STK3: variants seen among roughly 807,000 people sequenced by gnomAD.
The protein encoded by STK3 is serine/threonine-protein kinase 3.
In STK3, 41 loss-of-function variants were observed where a neutral mutation model predicts 58.0. The ratio of observed to expected loss-of-function variants is 0.71; its 90% confidence interval spans 0.55 to 0.92. The LOEUF (loss-of-function observed/expected upper bound fraction) is 0.92. Among genes scored for constraint, STK3 ranks in the 40% least tolerant of loss-of-function variants. STK3 has a pLI of 0.00. For missense variants in STK3, 479 were observed against 602.7 expected (o/e 0.79, Z 2.15); for synonymous variants, 170 against 191.0 (o/e 0.89, Z 0.91).
At chr8:98,362,799 G>A in the STK3 span, among the ~76,000 whole-genome samples, 43 of 152,268 alleles carry the variant, frequency 2.8e-4, no homozygotes, top group South Asian at 6.8e-3. Flanking sequence ...AGAAGAGGCC[G>A]CTCCCTTCAC....
intron 6 of STK3, among the ~76,000 whole-genome samples, chr8:98,690,363 G>A (rs989627007): frequency 6.7e-6 from 1 of 149,918 alleles, no homozygotes; most frequent in Non-Finnish European, 1.5e-5. Context: ...TAAAGTCAAT[G>A]TACAAAAATC....
intron 1 of STK3, chr8:98,778,917 T>C (rs1243596403): frequency 6.6e-6 from 1 of 151,944 alleles, no homozygotes; most frequent in African/African-American, 2.4e-5. Flanking sequence ...CATTAGGAGA[T>C]ATACCTAATG....
At chr8:98,485,624 G>C (rs546098087) in intron 10 of STK3, among the ~76,000 whole-genome samples, 2 of 152,298 alleles carry the variant, frequency 1.3e-5, no homozygotes, top group South Asian at 4.1e-4. Flanking sequence ...CAGGAATGAA[G>C]GGTGCTTGAA....
chr8:98,459,468 G>A (rs1007298522), intron 10 of STK3, among the ~76,000 whole-genome samples: 1 of 152,212 alleles, frequency 6.6e-6, no homozygotes, highest in Non-Finnish European at 1.5e-5. Flanking sequence ...TGATGTGATG[G>A]AAAAGAAAAA....
intron 6 of STK3, among the ~76,000 whole-genome samples, chr8:98,671,539 C>T (rs1396443544): frequency 6.6e-6 from 1 of 151,854 alleles, no homozygotes; most frequent in Non-Finnish European, 1.5e-5. Flanking sequence ...GACAAATATG[C>T]TGAGGTTTTT....
At chr8:98,499,730 G>C (rs1823423632) in intron 10 of STK3, among the ~76,000 whole-genome samples, 1 of 152,166 alleles carries the variant, frequency 6.6e-6, no homozygotes, top group Admixed American at 6.5e-5. Flanking sequence ...TGTAGGAAAG[G>C]AGATTTGTCA....
intron 4 of STK3, among the ~76,000 whole-genome samples, chr8:98,742,700 A>T (rs1184569802): frequency 2.6e-5 from 4 of 151,490 alleles, no homozygotes; most frequent in Non-Finnish European, 4.4e-5. Flanking sequence ...CACCACTCCT[A>T]TTCAACACAG....
chr8:98,371,782 T>TA, intron 2 of STK3: 1 of 152,346 alleles, frequency 6.6e-6, no homozygotes. Context: ...TTGAGGGCTC[T>TA]AGGGCCACAT....
At chr8:98,541,416 G>C (rs776295422) in intron 9 of STK3, among the ~76,000 whole-genome samples, 4 of 151,938 alleles carry the variant, frequency 2.6e-5, no homozygotes, top group African/African-American at 9.7e-5. Flanking sequence ...CAGCTTCCCC[G>C]TCCCCTTCCA....
At chr8:98,901,901 G>A (rs959677924) in intron 1 of STK3, among the ~76,000 whole-genome samples, 1 of 152,172 alleles carries the variant, frequency 6.6e-6, no homozygotes, top group African/African-American at 2.4e-5. Context: ...AAGACAAAGG[G>A]TCAATCCTAA....
At chr8:98,533,514 C>T (rs1281781238) in intron 9 of STK3, among the ~76,000 whole-genome samples, 1 of 152,018 alleles carries the variant, frequency 6.6e-6, no homozygotes, top group East Asian at 1.9e-4. Flanking sequence ...CTGACAGGGT[C>T]TCTCCTTCTG....
chr8:98,795,094 AAAAAAAAAAATATATAT>A (rs1433840793), intron 1 of STK3, among the ~76,000 whole-genome samples: 2 of 65,570 alleles, frequency 3.1e-5, no homozygotes, highest in South Asian at 7.1e-4. Context: ...AAAAAAAAAA[AAAAAAAAAAATATATAT>A]ATATATATAT....
At chr8:98,427,755 T>G in intron 3 of STK3, 3 of 496,356 alleles carry the variant, frequency 6.0e-6, no homozygotes, top group African/African-American at 2.0e-5. Context: ...GCTGTGCTAA[T>G]AGAAACATAC....
intron 4 of STK3, among the ~76,000 whole-genome samples, chr8:98,744,573 G>C (rs1829498667): frequency 8.2e-6 from 1 of 121,446 alleles, no homozygotes; most frequent in African/African-American, 3.2e-5. Context: ...CGCACTCTGG[G>C]GACTGTTGTG....
At chr8:98,472,745 C>T (rs1732405961) in intron 10 of STK3, among the ~76,000 whole-genome samples, 1 of 152,082 alleles carries the variant, frequency 6.6e-6, no homozygotes, top group South Asian at 2.1e-4. Flanking sequence ...AAAAAGATTT[C>T]TCACAATAAA....
chr8:98,688,643 G>A (rs1464348578), intron 6 of STK3, among the ~76,000 whole-genome samples: 1 of 151,914 alleles, frequency 6.6e-6, no homozygotes, highest in East Asian at 1.9e-4. Flanking sequence ...ATAAATACAT[G>A]AAAACTAAAC....
At chr8:98,886,933 A>G (rs1211026332) in intron 1 of STK3, among the ~76,000 whole-genome samples, 2 of 152,076 alleles carry the variant, frequency 1.3e-5, no homozygotes, top group Non-Finnish European at 2.9e-5. Flanking sequence ...CCCCATCTCT[A>G]CTAAAAATAC....
At chr8:98,806,270 T>G (rs1833878269) in intron 1 of STK3, among the ~76,000 whole-genome samples, 1 of 152,102 alleles carries the variant, frequency 6.6e-6, no homozygotes, top group Admixed American at 6.5e-5. Flanking sequence ...CCTCAAAATG[T>G]CTGTGACTTA....
At chr8:98,481,011 A>G (rs1335299293) in intron 10 of STK3, among the ~76,000 whole-genome samples, 7 of 152,196 alleles carry the variant, frequency 4.6e-5, no homozygotes, top group Admixed American at 4.6e-4. Context: ...TAGCCAGAAG[A>G]GCTTTATTCA....
Sources: gnomAD v4.1 joint callset for allele counts (sites outside exome capture counted in the v4.1 genomes callset) on GRCh38, gnomAD v4.1.1 for gene constraint, MANE v1.5 for transcripts, NCBI Gene and HGNC (gene_info 2026-07-23, HGNC 2026-07-21) for gene names.